Variants in DOP1B observed in about 807,000 individuals in gnomAD.
DOP1B encodes DOP1 leucine zipper like protein B, also known as protein DOP1B.
A neutral mutation model predicts 233.5 loss-of-function variants in DOP1B; 174 were observed. The ratio of observed to expected loss-of-function variants is 0.75; its 90% CI spans 0.66 to 0.85. DOP1B has a LOEUF of 0.85. Among genes scored for constraint, DOP1B ranks in the 40% least tolerant of loss-of-function variants. The probability of loss-of-function intolerance (pLI) is 0.00; values close to 1 mark genes in which losing one functional copy is unlikely to be tolerated. For synonymous variants in DOP1B, 1,190 were observed against 1,185.6 expected, an observed-to-expected ratio of 1.00 and a Z score of -0.08; for missense variants, 2,652 against 2,846.6, an observed-to-expected ratio of 0.93 and a Z score of 1.56.
At chr21:36,182,516 CACG>C (rs142264691) in intron 2 of DOP1B, among the ~76,000 whole-genome samples, 1,839 of 152,094 alleles carry the variant, frequency 0.012, 46 homozygotes, top group African/African-American at 0.041. Flanking sequence ...CACACACTGC[CACG>C]ACAGGGAAAG....
chr21:36,227,550 A>AAAAAGAAAG (rs1555892258), intron 12 of DOP1B, 136 bp from the exon 13 acceptor site: 2 of 846,332 alleles, frequency 2.4e-6, no homozygotes, highest in Non-Finnish European at 3.5e-6. Context: ...CTGTCAAAAA[A>AAAAAGAAAG]AAAGAAAGAA....
At chr21:36,277,494 G>C (rs1159476426) in intron 28 of DOP1B, among the ~76,000 whole-genome samples, 1 of 151,822 alleles carries the variant, frequency 6.6e-6, no homozygotes, top group African/African-American at 2.4e-5. Flanking sequence ...TGTTGGCCAG[G>C]ATGGTCTCAA....
At chr21:36,203,543 G>A (rs2066394404) in intron 4 of DOP1B, among the ~76,000 whole-genome samples, 2 of 152,056 alleles carry the variant, frequency 1.3e-5, no homozygotes, top group Non-Finnish European at 1.5e-5. Context: ...ACTCTAGCCT[G>A]GGCAACAGAG....
intron 18 of DOP1B, among the ~76,000 whole-genome samples, chr21:36,243,478 C>T (rs1245714016): frequency 6.7e-6 from 1 of 150,224 alleles, no homozygotes; most frequent in Non-Finnish European, 1.5e-5. Context: ...GAAGTACTAA[C>T]ATGGTTAGTT....
At position 36,237,367 on chromosome 21, in the gene DOP1B, A is replaced by G. The variant is rs373201297; in HGVS notation, c.2728A>G (p.Asn910Asp). The G allele has an allele frequency of 1.5e-5, 24 of 1,614,080 alleles. 1 individual carries two copies. The African/African-American group carries it at 3.2e-4, about 22-fold the overall frequency. ...YRLHCLAPTA[N>D]ICEDIICHAL... ...GCTGCACTGCCTGGCCCCTACGGCC[A>G]ACATCTGCGAGGACATCATCTGCCA... The change falls in exon 16 of 37, where the codon AAC (asparagine) becomes GAC (aspartate). Residue 910 changes from asparagine (N) to aspartate (D), a missense_variant. Asn to Asp is a conservative substitution (Grantham distance 23). Around this residue, in one of 3 missense-constraint regions of DOP1B, gnomAD observed 2,617 missense variants for 2,794.3 expected, o/e 0.94. Coordinates refer to ENST00000691173, the MANE Select transcript of DOP1B (RefSeq NM_001320714.2).
intron 26 of DOP1B, among the ~76,000 whole-genome samples, chr21:36,269,178 G>A (rs765463736): frequency 6.6e-5 from 10 of 151,992 alleles, no homozygotes; most frequent in African/African-American, 1.4e-4. Flanking sequence ...TTTTTGAGAC[G>A]AAGTTTCGCT....
chr21:36,279,018 G>A (rs2067385338), intron 30 of DOP1B, among the ~76,000 whole-genome samples: 1 of 152,058 alleles, frequency 6.6e-6, no homozygotes, highest in South Asian at 2.1e-4. Flanking sequence ...CTTCTCGGCT[G>A]ATACTCCACA....
At chr21:36,201,297 T>A (rs2066362453) in intron 4 of DOP1B, among the ~76,000 whole-genome samples, 1 of 150,434 alleles carries the variant, frequency 6.6e-6, no homozygotes, top group Admixed American at 6.7e-5. Flanking sequence ...AGTCGCACAG[T>A]CAGTGAGCCC....
chr21:36,230,572 G>A lies in DOP1B; in HGVS notation c.1788G>A (p.Ser596=), dbSNP rs761640001. 24 of 1,614,068 alleles carry A rather than the reference G, an allele frequency of 1.5e-5. No homozygotes were observed. The highest frequency in any genetic ancestry group is 4.4e-5 in the South Asian group (4 of 91,090). Reference sequence around the variant, plus strand: ...ACAGTGGGATCGGGCTCAGTGCCTCGTCACCGGAGCTCTCTGAGCACTTGA... The same window carrying A: ...ACAGTGGGATCGGGCTCAGTGCCTCATCACCGGAGCTCTCTGAGCACTTGA... ...SEDSGIGLSA[S]SPELSEHLRV... The change falls in exon 14 of 37, where the codon TCG becomes TCA. Residue 596 remains serine (S), a synonymous_variant. Coordinates refer to ENST00000691173, the MANE Select transcript of DOP1B (RefSeq NM_001320714.2).
intron 10 of DOP1B, 62 bp from the exon 11 acceptor site, chr21:36,223,169 A>T: frequency 6.6e-7 from 1 of 1,514,420 alleles, no homozygotes; most frequent in Non-Finnish European, 8.8e-7. Context: ...AGTTTTTTGG[A>T]CACTTTTTGT....
intron 7 of DOP1B, among the ~76,000 whole-genome samples, chr21:36,213,515 G>A (rs967823547): frequency 3.3e-5 from 5 of 151,826 alleles, no homozygotes; most frequent in Non-Finnish European, 7.4e-5. Context: ...CCTCAGCCAG[G>A]CATGGTGGCT....
At chr21:36,258,828 G>C (rs1055495216) in intron 23 of DOP1B, among the ~76,000 whole-genome samples, 4 of 152,186 alleles carry the variant, frequency 2.6e-5, no homozygotes, top group Admixed American at 1.3e-4. Flanking sequence ...ACAGCACTGC[G>C]AGGCCAGGTT....
intron 12 of DOP1B, among the ~76,000 whole-genome samples, chr21:36,227,021 C>T (rs949781532): frequency 2.8e-4 from 42 of 151,206 alleles, no homozygotes; most frequent in East Asian, 2.0e-3. Context: ...CTGGCTAACA[C>T]GGTGAAACCC....
chr21:36,199,834 C>T (rs1179794025), intron 3 of DOP1B, among the ~76,000 whole-genome samples: 2 of 152,182 alleles, frequency 1.3e-5, no homozygotes, highest in African/African-American at 4.8e-5. Flanking sequence ...TCCAGTCTAT[C>T]ATCGATGGAC....
Position 36,246,581 on chromosome 21 carries a change from TG to T in DOP1B, c.4604del (p.Gly1535AlafsTer4). 6.2e-7 allele frequency: 1 copy of T among 1,614,158 alleles called. No homozygotes were observed. The highest frequency in any genetic ancestry group is 8.5e-7 in the Non-Finnish European group (1 of 1,180,038). On this transcript the variant is annotated frameshift_variant, in exon 19 of 37. Coordinates refer to ENST00000691173, the MANE Select transcript of DOP1B (RefSeq NM_001320714.2). LOFTEE classifies it high-confidence loss of function. This position sits in a 1 kb window ranked among gnomAD's most constrained non-coding sequence, Gnocchi z 5.1. ...THSLPYFGKS[L>X]GWTVTPFVVQ... ...TCCTTGCCCTACTTCGGAAAGTCCC[TG>T]GGCTGGACGGTGACACCCTTTGTTG... is the stretch of plus-strand genomic sequence containing the variant.
Position 36,289,167 on chromosome 21 carries a change from C to G in DOP1B, c.6476C>G (p.Ala2159Gly). The G allele has an allele frequency of 1.2e-6, 2 of 1,613,938 alleles. No homozygotes were observed. Among genetic ancestry groups the G allele is most frequent in the Non-Finnish European group, 8.5e-7 (1 of 1,179,972 alleles). The change falls in exon 35 of 37, where the codon GCG (alanine) becomes GGG (glycine). Residue 2159 changes from alanine to glycine, a missense_variant. Ala to Gly is a moderately conservative substitution (Grantham distance 60). Around this residue, in one of 3 missense-constraint regions of DOP1B, gnomAD observed 2,617 missense variants for 2,794.3 expected, o/e 0.94. Coordinates refer to ENST00000691173, the MANE Select transcript of DOP1B (RefSeq NM_001320714.2). ...TCAGCTTGCAAATTCTTGGACACAGCGCTTTCTTTTCCACCTGACAAGATG... is the reference window on the plus strand; with the variant it reads ...TCAGCTTGCAAATTCTTGGACACAGGGCTTTCTTTTCCACCTGACAAGATG... ...YLSACKFLDTALSFPPDKMPL... is the reference protein window; with the variant it reads ...YLSACKFLDTGLSFPPDKMPL...
intron 1 of DOP1B, among the ~76,000 whole-genome samples, chr21:36,157,679 G>T (rs927818283): frequency 1.3e-5 from 2 of 152,196 alleles, no homozygotes; most frequent in Admixed American, 6.5e-5. Context: ...CAATTTAATT[G>T]CCACTTTGAA....
chr21:36,224,081 T>C (rs2066655691), intron 11 of DOP1B, among the ~76,000 whole-genome samples: 1 of 152,054 alleles, frequency 6.6e-6, no homozygotes, highest in Middle Eastern at 3.2e-3. Context: ...TTAATTGCAA[T>C]TGGATCCACA....
intron 2 of DOP1B, chr21:36,169,373 C>T: frequency 2.4e-6 from 2 of 821,884 alleles, no homozygotes; most frequent in Non-Finnish European, 4.3e-6. Context: ...GCCTTTCTGC[C>T]CAGCACATGC....
Sources: allele counts gnomAD v4.1 joint callset (sites outside exome capture counted in the v4.1 genomes callset), GRCh38; gene constraint gnomAD v4.1.1; regional missense constraint gnomAD v4.1.1; non-coding constraint Gnocchi (gnomAD v3.1); transcripts MANE v1.5; gene names NCBI Gene and HGNC (gene_info 2026-07-23, HGNC 2026-07-21).